CACNB2: variants seen among roughly 807,000 people sequenced by gnomAD.
The protein encoded by CACNB2 is calcium voltage-gated channel auxiliary subunit beta 2.
A neutral mutation model predicts 73.3 loss-of-function variants in CACNB2; 42 were observed. That is an observed-to-expected ratio of 0.57 (90% CI 0.45 to 0.74). The LOEUF is 0.74. CACNB2 is among the 30% of genes least tolerant of loss of function. CACNB2 has a pLI of 0.00. For missense variants in CACNB2, 940 were observed against 853.0 expected (o/e 1.10, Z -1.27); for synonymous variants, 348 against 310.3 (o/e 1.12, Z -1.28).
At chr10:18,536,945 C>T (rs548062622) in intron 12 of CACNB2, among the ~76,000 whole-genome samples, 6 of 152,238 alleles carry the variant, frequency 3.9e-5, no homozygotes, top group South Asian at 2.1e-4. Flanking sequence ...TCTCACTTGT[C>T]GTCTATGCTT....
At position 18,169,568 on chromosome 10, in the gene CACNB2, A is replaced by G. The variant is rs570560209; in HGVS notation, c.213+18593A>G. Among the ~76,000 whole-genome samples, 15 of 152,326 alleles carry G rather than the reference A, an allele frequency of 9.8e-5. No individual in the cohort carries two copies. In the East Asian group the frequency reaches 1.7e-3, roughly 18 times the overall value. On this transcript the variant is annotated intron_variant, in intron 2 of 13. Coordinates refer to ENST00000324631, the MANE Select transcript of CACNB2 (RefSeq NM_201596.3). ...ATAAAGTCATCTGAGTTCAACCTCA[A>G]TTTAGAGTACTTTGCCCATTCACTT...
At chr10:18,184,066 CAG>C (rs2034026803) in intron 2 of CACNB2, among the ~76,000 whole-genome samples, 1 of 152,198 alleles carries the variant, frequency 6.6e-6, no homozygotes, top group African/African-American at 2.4e-5. Flanking sequence ...CTCTTATTAA[CAG>C]AACTTGCTGC....
At chr10:18,202,181 T>A (rs543864998) in intron 2 of CACNB2, among the ~76,000 whole-genome samples, 6 of 152,298 alleles carry the variant, frequency 3.9e-5, no homozygotes, top group Non-Finnish European at 7.4e-5. Context: ...AGTGAAAAAG[T>A]TGGCTGACAA....
At chr10:18,538,111 C>A in intron 12 of CACNB2, 69 bp from the exon 13 acceptor site, 1 of 1,469,262 alleles carries the variant, frequency 6.8e-7, no homozygotes, top group Non-Finnish European at 9.5e-7. Context: ...CCTTCCTCCT[C>A]TTATGGAGGT....
intron 2 of CACNB2, among the ~76,000 whole-genome samples, chr10:18,170,713 T>C (rs1394925295): frequency 6.6e-6 from 1 of 152,250 alleles, no homozygotes; most frequent in Non-Finnish European, 1.5e-5. Context: ...TAATGACATT[T>C]GAGCAGCACT....
In CACNB2 at chr10:18,538,355, C is replaced by G. The variant is rs2053808617; in HGVS notation, c.1478C>G (p.Ser493Cys). The G allele has an allele frequency of 6.2e-7, 1 of 1,609,980 alleles. No homozygotes were observed. The highest frequency in any genetic ancestry group is 1.1e-5 in the South Asian group (1 of 91,078). The change falls in exon 13 of 14, where the codon TCT (serine) becomes TGT (cysteine). Residue 493 changes from serine to cysteine, a missense_variant. Ser to Cys is a moderately radical substitution (Grantham distance 112). Transcript: ENST00000324631. ...SSLPLSPTLASNSQGSQGDQR... is the reference protein window; with the variant it reads ...SSLPLSPTLACNSQGSQGDQR... ...CTGCCTCTTAGCCCCACCCTAGCCT[C>G]TAATTCACAGGTAAGGGGAGTTTTT...
chr10:18,288,704 C>CACACACACACACACAGAG (rs746197406), intron 2 of CACNB2, among the ~76,000 whole-genome samples: 1 of 151,246 alleles, frequency 6.6e-6, no homozygotes. Flanking sequence ...CACACACACA[C>CACACACACACACACAGAG]AGAGATACCC....
At chr10:18,469,673 A>G (rs2048080805) in intron 3 of CACNB2, among the ~76,000 whole-genome samples, 1 of 152,236 alleles carries the variant, frequency 6.6e-6, no homozygotes, top group African/African-American at 2.4e-5. Context: ...ATTGAGGCTC[A>G]GAGAGATGAC....
At chr10:18,175,266 C>A (rs1564317543) in intron 2 of CACNB2, among the ~76,000 whole-genome samples, 1 of 152,112 alleles carries the variant, frequency 6.6e-6, no homozygotes, top group Non-Finnish European at 1.5e-5. Context: ...ACACTGGTAC[C>A]AGTTTGGTAC....
intron 2 of CACNB2, among the ~76,000 whole-genome samples, chr10:18,331,021 C>G (rs2040780683): frequency 7.0e-6 from 1 of 142,140 alleles, no homozygotes; most frequent in African/African-American, 2.6e-5. Flanking sequence ...GAGTCTCACT[C>G]TGTTGCCAGG....
chr10:18,300,080 G>C (rs887434843), intron 2 of CACNB2, among the ~76,000 whole-genome samples: 3 of 151,714 alleles, frequency 2.0e-5, no homozygotes, highest in Non-Finnish European at 4.4e-5. Flanking sequence ...GGAGTGCAAT[G>C]GCACTATCTC....
Position 18,210,579 on chromosome 10 carries a change from A to G in CACNB2, c.213+59604A>G, listed in dbSNP as rs569204016. On this transcript the variant is annotated intron_variant, in intron 2 of 13. Coordinates refer to ENST00000324631, the MANE Select transcript of CACNB2 (RefSeq NM_201596.3). ...GCTGGTTCTGCCACTCTCCACCTGT[A>G]TAACGCTGAGTTATATTTATTTGTC... 2.6e-5 allele frequency among the ~76,000 whole-genome samples: 4 copies of G among 152,270 alleles called. No homozygotes were observed. The South Asian group carries it at 6.2e-4, about 24-fold the overall frequency.
chr10:18,283,702 G>A lies in CACNB2; in HGVS notation c.214-118222G>A, dbSNP rs139610324. ...GGGGAGGGGGGAGGGATGGCATTAG[G>A]AGATATACCTAATGTAAATGACGAG... On this transcript the variant is annotated intron_variant, in intron 2 of 13. Transcript: ENST00000324631. 6.5e-3 allele frequency among the ~76,000 whole-genome samples: 987 copies of A among 151,460 alleles called. 50 individuals carry two copies. In the East Asian group the frequency reaches 0.13, roughly 20 times the overall value.
intron 10 of CACNB2, among the ~76,000 whole-genome samples, chr10:18,532,692 A>AAAC (rs1554840385): frequency 1.1e-5 from 1 of 87,482 alleles, no homozygotes; most frequent in South Asian, 3.3e-4. Context: ...AAAAAAAAAA[A>AAAC]AAAACAAAAC....
At chr10:18,267,576 A>G (rs912354523) in intron 2 of CACNB2, among the ~76,000 whole-genome samples, 6 of 152,234 alleles carry the variant, frequency 3.9e-5, no homozygotes, top group African/African-American at 1.4e-4. Flanking sequence ...ACTGCACTCC[A>G]GCCTGGGTGA....
chr10:18,529,418 G>A (rs2052779041), intron 10 of CACNB2, among the ~76,000 whole-genome samples: 1 of 152,206 alleles, frequency 6.6e-6, no homozygotes. Context: ...AATCAGTGAA[G>A]AGCCCTTTGA....
rs138423707 is a variant in CACNB2 at position 18,251,527 on chromosome 10, C to T, written c.213+100552C>T. ...CCTCCCAAAGTGCTGAGATTACAGG[C>T]GTGGGCCACCATGCCCGGCCTCAAC... On this transcript the variant is annotated intron_variant, in intron 2 of 13. Coordinates refer to ENST00000324631, the MANE Select transcript of CACNB2 (RefSeq NM_201596.3). Among the ~76,000 whole-genome samples the T allele has an allele frequency of 8.8e-3, 1,345 of 152,298 alleles. 18 individuals carry two copies. The highest frequency in any genetic ancestry group is 0.03 in the African/African-American group (1,228 of 41,576).
intron 3 of CACNB2, among the ~76,000 whole-genome samples, chr10:18,444,134 C>T (rs1029523719): frequency 3.3e-5 from 5 of 152,092 alleles, no homozygotes; most frequent in African/African-American, 1.2e-4. Flanking sequence ...TGTTGAAATC[C>T]TAACGCCAAA....
intron 2 of CACNB2, among the ~76,000 whole-genome samples, chr10:18,334,819 T>A (rs2040938878): frequency 6.6e-6 from 1 of 152,220 alleles, no homozygotes; most frequent in African/African-American, 2.4e-5. Flanking sequence ...GCAATTCTGG[T>A]GTGCCAGATG....
Sources: allele counts gnomAD v4.1 joint callset (sites outside exome capture counted in the v4.1 genomes callset), GRCh38; gene constraint gnomAD v4.1.1; transcripts MANE v1.5; gene names NCBI Gene and HGNC (gene_info 2026-07-23, HGNC 2026-07-21).